Variants in WFDC3 observed in about 807,000 individuals in gnomAD.
WFDC3 encodes the protein WAP four-disulfide core domain 3.
WFDC3 carries 15 observed loss-of-function variants against 25.8 expected under a neutral mutation model. That is an observed-to-expected ratio of 0.58 (90% CI 0.39 to 0.89). The LOEUF is 0.89. WFDC3 is among the 40% of genes least tolerant of loss of function. The pLI, the probability that WFDC3 is intolerant of heterozygous loss-of-function variation, is 0.00. For missense variants in WFDC3, 264 were observed against 289.8 expected (o/e 0.91, Z 0.65); for synonymous variants, 103 against 107.1 (o/e 0.96, Z 0.24).
At chr20:45,791,422 G>A (rs1454151056) in intron 1 of WFDC3, among the ~76,000 whole-genome samples, 3 of 149,908 alleles carry the variant, frequency 2.0e-5, no homozygotes, top group Non-Finnish European at 3.0e-5. Flanking sequence ...TCAGCCTCCC[G>A]AGTAGCTGGG....
rs538986856 is a variant in WFDC3 at position 45,778,156 on chromosome 20, C to T, written c.359-947G>A. ...AGAATACTTCCTCTTGGAAACCAGCCGCCATGCTATAAAGCAGCTTGAACT... is the reference window on the plus strand; with the variant it reads ...AGAATACTTCCTCTTGGAAACCAGCTGCCATGCTATAAAGCAGCTTGAACT... On this transcript the variant is annotated intron_variant, in intron 4 of 6. Transcript: ENST00000243938. 6.6e-5 allele frequency among the ~76,000 whole-genome samples: 10 copies of T among 152,270 alleles called. No homozygotes were observed. The South Asian group carries it at 1.7e-3, about 25-fold the overall frequency.
Position 45,788,943 on chromosome 20 carries a change from C to A in WFDC3, c.199G>T (p.Asp67Tyr). ...CTTGCGRICR[D>Y]IPKGRKRDCP... Reference sequence around the variant, plus strand: ...CATGCCAACATACCCTTAGGAATGTCTCGGCAGATCCGACCACAGCCTGTG... The same window carrying A: ...CATGCCAACATACCCTTAGGAATGTATCGGCAGATCCGACCACAGCCTGTG... The change falls in exon 3 of 7, where the codon GAC (aspartate) becomes TAC (tyrosine). Residue 67 changes from aspartate to tyrosine, a missense_variant. By Grantham distance (160) the Asp-to-Tyr change is radical. Transcript: ENST00000243938. 6.2e-7 allele frequency: 1 copy of A among 1,611,562 alleles called. No individual in the cohort carries two copies. The highest frequency in any genetic ancestry group is 2.2e-5 in the East Asian group (1 of 44,698).
intron 4 of WFDC3, among the ~76,000 whole-genome samples, chr20:45,787,630 T>C (rs1980744035): frequency 6.6e-6 from 1 of 152,122 alleles, no homozygotes. Flanking sequence ...TGAGGGTAAG[T>C]TGAGGCTGCC....
intron 6 of WFDC3, among the ~76,000 whole-genome samples, chr20:45,774,940 C>T (rs1980063491): frequency 1.3e-5 from 1 of 75,648 alleles, no homozygotes; most frequent in South Asian, 4.1e-4. Context: ...GAAACTCCAT[C>T]TCAAAAAAAA....
At chr20:45,780,590 A>G (rs1039249736) in intron 4 of WFDC3, among the ~76,000 whole-genome samples, 5 of 152,272 alleles carry the variant, frequency 3.3e-5, no homozygotes, top group African/African-American at 1.2e-4. Context: ...AGAAATAGGA[A>G]CAGTAGCCAG....
chr20:45,785,341 A>ACGC (rs1349406307), intron 4 of WFDC3, among the ~76,000 whole-genome samples: 2 of 151,918 alleles, frequency 1.3e-5, no homozygotes, highest in Admixed American at 6.6e-5. Context: ...ATGGTGGCAC[A>ACGC]CGCCTGCAAT....
At chr20:45,775,347 C>G in intron 6 of WFDC3, 70 bp downstream of exon 6, 2 of 1,557,812 alleles carry the variant, frequency 1.3e-6, no homozygotes, top group Non-Finnish European at 8.7e-7. Flanking sequence ...AGTCCCCTTC[C>G]CAGCACCTAA....
intron 4 of WFDC3, among the ~76,000 whole-genome samples, chr20:45,779,480 C>T (rs1418582027): frequency 6.6e-6 from 1 of 152,198 alleles, no homozygotes; most frequent in African/African-American, 2.4e-5. Context: ...TTCAAATATC[C>T]TGTGCTACTG....
intron 1 of WFDC3, 182 bp from the exon 2 acceptor site, chr20:45,790,164 G>A (rs910152699): frequency 1.9e-6 from 1 of 519,162 alleles, no homozygotes; most frequent in Non-Finnish European, 3.4e-6. Flanking sequence ...CTGGAGTGTG[G>A]GAAAATTCCT....
intron 4 of WFDC3, among the ~76,000 whole-genome samples, chr20:45,781,094 A>T (rs542465920): frequency 7.8e-4 from 118 of 151,976 alleles, no homozygotes; most frequent in Non-Finnish European, 1.2e-3. Flanking sequence ...ACAAAAAAAA[A>T]AAAAAAAAGC....
chr20:45,775,667 C>T (rs1013635378), intron 5 of WFDC3, 65 bp from the exon 6 acceptor site: 2 of 1,588,562 alleles, frequency 1.3e-6, no homozygotes, highest in Admixed American at 1.7e-5. Flanking sequence ...ATGTTCCCAT[C>T]GTGAACTTAC....
intron 4 of WFDC3, among the ~76,000 whole-genome samples, chr20:45,783,028 G>T (rs1371123484): frequency 6.6e-6 from 1 of 150,700 alleles, no homozygotes; most frequent in Admixed American, 6.7e-5. Context: ...TCATCTTGGG[G>T]TTATTATGTA....
At chr20:45,779,515 C>T (rs191849803) in intron 4 of WFDC3, among the ~76,000 whole-genome samples, 8 of 152,228 alleles carry the variant, frequency 5.3e-5, no homozygotes, top group African/African-American at 1.9e-4. Context: ...AACTATGTGT[C>T]CTGATTTTTG....
intron 5 of WFDC3, among the ~76,000 whole-genome samples, chr20:45,776,660 A>ATATATGTGTGTGTG (rs762240715): frequency 2.1e-5 from 2 of 93,304 alleles, no homozygotes; most frequent in East Asian, 3.0e-4. Flanking sequence ...ATATATATAT[A>ATATATGTGTGTGTG]TGTGTGTGTG....
At chr20:45,775,810 G>A (rs762324179) in intron 5 of WFDC3, among the ~76,000 whole-genome samples, 7 of 151,720 alleles carry the variant, frequency 4.6e-5, no homozygotes, top group Non-Finnish European at 7.4e-5. Context: ...TTTTCAAATG[G>A]TGCCCCAAAG....
chr20:45,781,084 A>T (rs1365156822), intron 4 of WFDC3, among the ~76,000 whole-genome samples: 8 of 144,160 alleles, frequency 5.5e-5, no homozygotes, highest in Non-Finnish European at 1.2e-4. Context: ...TACTAAAAAT[A>T]CAAAAAAAAA....
intron 4 of WFDC3, among the ~76,000 whole-genome samples, chr20:45,777,842 A>G (rs1980268258): frequency 1.4e-5 from 1 of 69,386 alleles, no homozygotes; most frequent in African/African-American, 4.9e-5. Context: ...TTTATATTCT[A>G]GTTCTTATTT....
chr20:45,788,941 G>A lies in WFDC3; in HGVS notation c.201C>T (p.Asp67=), dbSNP rs1217953150. 6.2e-7 allele frequency: 1 copy of A among 1,611,522 alleles called. No homozygotes were observed. Among genetic ancestry groups the A allele is most frequent in the Non-Finnish European group, 8.5e-7 (1 of 1,179,100 alleles). The change falls in exon 3 of 7, where the codon GAC becomes GAT. Residue 67 remains aspartate, a synonymous_variant. Coordinates refer to ENST00000243938, the MANE Select transcript of WFDC3 (RefSeq NM_080614.2). ...CTTGCGRICR[D]IPKGRKRDCP... is the part of the protein sequence containing the mutation. ...CTCATGCCAACATACCCTTAGGAATGTCTCGGCAGATCCGACCACAGCCTG... is the reference window on the plus strand; with the variant it reads ...CTCATGCCAACATACCCTTAGGAATATCTCGGCAGATCCGACCACAGCCTG...
At chr20:45,784,149 C>CTGTA (rs961335049) in intron 4 of WFDC3, among the ~76,000 whole-genome samples, 9 of 152,218 alleles carry the variant, frequency 5.9e-5, no homozygotes, top group Non-Finnish European at 1.3e-4. Flanking sequence ...TGTACCAAGC[C>CTGTA]CTACATGCCA....
Sources: gnomAD v4.1 joint callset for allele counts (sites outside exome capture counted in the v4.1 genomes callset) on GRCh38, gnomAD v4.1.1 for gene constraint, MANE v1.5 for transcripts, NCBI Gene and HGNC (gene_info 2026-07-23, HGNC 2026-07-21) for gene names.